KCMF1: variants seen among roughly 807,000 people sequenced by gnomAD.
The protein encoded by KCMF1 is potassium channel modulatory factor 1.
KCMF1 carries 3 observed loss-of-function variants against 41.1 expected under a neutral mutation model. That is an observed-to-expected ratio of 0.07 (90% CI 0.03 to 0.19). The LOEUF (loss-of-function observed/expected upper bound fraction) is 0.19. KCMF1 is among the 10% of genes least tolerant of loss of function. The probability of loss-of-function intolerance (pLI) is 1.00; values close to 1 mark genes in which losing one functional copy is unlikely to be tolerated. For missense variants in KCMF1, 286 were observed against 488.9 expected, an observed-to-expected ratio of 0.58 and a Z score of 3.91; for synonymous variants, 142 against 164.5, an observed-to-expected ratio of 0.86 and a Z score of 1.04.
chr2:84,997,453 C>T (rs535935818), intron 1 of KCMF1, among the ~76,000 whole-genome samples: 1 of 152,052 alleles, frequency 6.6e-6, no homozygotes, highest in Admixed American at 6.6e-5. Context: ...CTTTTAAGAC[C>T]GAAAAGGTGA....
chr2:85,018,424 C>T (rs1051865188), intron 1 of KCMF1, among the ~76,000 whole-genome samples: 2 of 152,034 alleles, frequency 1.3e-5, no homozygotes, highest in Admixed American at 6.6e-5. Flanking sequence ...CACAGGCCAG[C>T]ACGCCAGGCT....
chr2:85,047,630 G>A (rs1675705247), intron 5 of KCMF1, among the ~76,000 whole-genome samples: 6 of 151,192 alleles, frequency 4.0e-5, no homozygotes, highest in Admixed American at 3.3e-4. Context: ...TTTTGAACCT[G>A]GCCATGTCAC....
At chr2:84,979,446 C>A (rs1242861416) in intron 1 of KCMF1, among the ~76,000 whole-genome samples, 2 of 151,682 alleles carry the variant, frequency 1.3e-5, no homozygotes, top group Non-Finnish European at 2.9e-5. Flanking sequence ...ATCTCTTGAA[C>A]CCAGGAGGCG....
At chr2:85,022,427 T>C (rs1445929452) in intron 1 of KCMF1, among the ~76,000 whole-genome samples, 1 of 152,122 alleles carries the variant, frequency 6.6e-6, no homozygotes, top group African/African-American at 2.4e-5. Context: ...TGAGCCGAGA[T>C]TGTGCAACTG....
intron 1 of KCMF1, among the ~76,000 whole-genome samples, chr2:84,979,651 GTC>G (rs772874861): frequency 2.0e-5 from 3 of 151,844 alleles, no homozygotes; most frequent in Non-Finnish European, 4.4e-5. Flanking sequence ...CCTAATAAAA[GTC>G]TTTTTTTATA....
At chr2:84,999,875 A>G (rs1437201792) in intron 1 of KCMF1, among the ~76,000 whole-genome samples, 1 of 152,176 alleles carries the variant, frequency 6.6e-6, no homozygotes, top group Non-Finnish European at 1.5e-5. Flanking sequence ...CAAGGAAGTG[A>G]GGAAATCTCA....
At chr2:85,006,929 A>G (rs1674485859) in intron 1 of KCMF1, among the ~76,000 whole-genome samples, 1 of 151,520 alleles carries the variant, frequency 6.6e-6, no homozygotes, top group Admixed American at 6.6e-5. Flanking sequence ...ACCAACATGG[A>G]GAAACCCCAT....
intron 1 of KCMF1, among the ~76,000 whole-genome samples, chr2:85,004,673 CTGAGAA>C (rs1674422827): frequency 6.6e-6 from 1 of 152,044 alleles, no homozygotes; most frequent in African/African-American, 2.4e-5. Flanking sequence ...TCTGTCTTAA[CTGAGAA>C]TGAAGCCAGT....
chr2:84,973,337 A>G (rs1490344242), intron 1 of KCMF1, among the ~76,000 whole-genome samples: 1 of 152,244 alleles, frequency 6.6e-6, no homozygotes, highest in African/African-American at 2.4e-5. Context: ...TGAATGTAAC[A>G]TATATTCTGT....
chr2:85,015,638 C>T (rs1021990313), intron 1 of KCMF1, among the ~76,000 whole-genome samples: 7 of 152,060 alleles, frequency 4.6e-5, no homozygotes, highest in African/African-American at 1.2e-4. Flanking sequence ...ATTAAACTTC[C>T]CTCTTTCACA....
At chr2:84,974,228 TGGA>T (rs1673473401) in intron 1 of KCMF1, among the ~76,000 whole-genome samples, 1 of 152,194 alleles carries the variant, frequency 6.6e-6, no homozygotes, top group Non-Finnish European at 1.5e-5. Context: ...GATCCTGAAC[TGGA>T]TATAATAGTC....
At chr2:85,013,185 C>T (rs1311343787) in intron 1 of KCMF1, among the ~76,000 whole-genome samples, 1 of 152,044 alleles carries the variant, frequency 6.6e-6, no homozygotes, top group Non-Finnish European at 1.5e-5. Context: ...ATCCTTATTC[C>T]CCATTTAGGC....
intron 1 of KCMF1, among the ~76,000 whole-genome samples, chr2:85,018,922 A>C (rs1270545329): frequency 2.0e-5 from 3 of 148,100 alleles, no homozygotes; most frequent in Non-Finnish European, 4.4e-5. Flanking sequence ...TTTTTAGTAG[A>C]GATGGGATTT....
At chr2:85,037,009 C>T (rs1293453869) in intron 3 of KCMF1, among the ~76,000 whole-genome samples, 1 of 151,028 alleles carries the variant, frequency 6.6e-6, no homozygotes, top group Non-Finnish European at 1.5e-5. Context: ...CATCCCGCCC[C>T]TGAAAGTAAA....
chr2:84,997,764 CTTTT>C (rs112460793), intron 1 of KCMF1, among the ~76,000 whole-genome samples: 16 of 80,266 alleles, frequency 2.0e-4, no homozygotes, highest in African/African-American at 7.5e-4. Context: ...AATACATTTT[CTTTT>C]TTTTTTTTTT....
At chr2:84,981,817 C>T (rs972865732) in intron 1 of KCMF1, among the ~76,000 whole-genome samples, 3 of 151,884 alleles carry the variant, frequency 2.0e-5, no homozygotes, top group Non-Finnish European at 2.9e-5. Flanking sequence ...CTGGTTCTGT[C>T]GGCCAGGCTG....
chr2:85,024,555 A>G (rs1194500003), intron 1 of KCMF1, among the ~76,000 whole-genome samples: 1 of 106,582 alleles, frequency 9.4e-6, no homozygotes, highest in African/African-American at 4.6e-5. Context: ...TTGGAGAGTG[A>G]GAGAGAGAGA....
intron 1 of KCMF1, among the ~76,000 whole-genome samples, chr2:84,994,480 T>C (rs1185488465): frequency 6.6e-6 from 1 of 152,142 alleles, no homozygotes; most frequent in Non-Finnish European, 1.5e-5. Flanking sequence ...CTCAGCTCAC[T>C]GCAACCTCCA....
At chr2:85,040,058 C>T (rs914279556) in intron 3 of KCMF1, among the ~76,000 whole-genome samples, 2 of 152,138 alleles carry the variant, frequency 1.3e-5, no homozygotes, top group African/African-American at 2.4e-5. Flanking sequence ...TCAGGCAATC[C>T]ATCTGCCTTG....
Sources: gnomAD v4.1 joint callset for allele counts (sites outside exome capture counted in the v4.1 genomes callset) on GRCh38, gnomAD v4.1.1 for gene constraint, MANE v1.5 for transcripts, NCBI Gene and HGNC (gene_info 2026-07-23, HGNC 2026-07-21) for gene names.